Variants in FCRL5 observed in about 807,000 individuals in gnomAD.
FCRL5 encodes the protein Fc receptor-like protein 5.
In FCRL5, 79 loss-of-function variants were observed where a neutral mutation model predicts 92.1. The observed-to-expected ratio is 0.86, with a 90% CI of 0.72 to 1.03. The LOEUF is 1.03. Among genes scored for constraint, FCRL5 ranks in the 50% least tolerant of loss-of-function variants. FCRL5 has a pLI of 0.00. For missense variants in FCRL5, 1,160 were observed against 1,181.1 expected (o/e 0.98, Z 0.26); for synonymous variants, 466 against 469.3 (o/e 0.99, Z 0.09).
In FCRL5 at chr1:157,547,124, G is replaced by A; in HGVS notation, c.126C>T (p.Leu42=). Residue 42 remains leucine (L), a synonymous_variant, in exon 3 of 17, where the codon CTC becomes CTT. Coordinates refer to ENST00000361835, the MANE Select transcript of FCRL5 (RefSeq NM_031281.3). ...TTVFQGERVT[L]TCKGFRFYSP... Reference sequence around the variant, plus strand: ...AGTAGAAGCGAAATCCCTTGCAAGTGAGGGTCACTCTCTCTCCTTGGAAGA... The same window carrying A: ...AGTAGAAGCGAAATCCCTTGCAAGTAAGGGTCACTCTCTCTCCTTGGAAGA... The A allele has an allele frequency of 6.2e-7, 1 of 1,614,106 alleles. No homozygotes were observed. The highest frequency in any genetic ancestry group is 8.5e-7 in the Non-Finnish European group (1 of 1,179,992).
chr1:157,546,317 G>A (rs1021977977), intron 3 of FCRL5: 5 of 437,226 alleles, frequency 1.1e-5, no homozygotes, highest in East Asian at 7.1e-5. Context: ...GTGTGATGGC[G>A]GGCTCTTGTA....
chr1:157,520,872 C>A (rs1650150742), intron 11 of FCRL5, 145 bp downstream of exon 11: 5 of 1,032,782 alleles, frequency 4.8e-6, no homozygotes, highest in Non-Finnish European at 6.9e-6. Flanking sequence ...AGAAGCACTT[C>A]AGGAAATATA....
intron 7 of FCRL5, among the ~76,000 whole-genome samples, chr1:157,536,457 G>C (rs1650974310): frequency 6.6e-6 from 1 of 152,170 alleles, no homozygotes; most frequent in Non-Finnish European, 1.5e-5. Flanking sequence ...CCCTTGTTGG[G>C]CTCCCTCCTT....
chr1:157,527,929 T>G, intron 8 of FCRL5, 34 bp from the exon 9 acceptor site: 2 of 1,511,054 alleles, frequency 1.3e-6, no homozygotes, highest in Non-Finnish European at 1.8e-6. Context: ...ACACATGTAT[T>G]TTTAAAATTA....
intron 8 of FCRL5, among the ~76,000 whole-genome samples, chr1:157,529,887 C>T (rs986590266): frequency 6.6e-6 from 1 of 152,158 alleles, no homozygotes; most frequent in Non-Finnish European, 1.5e-5. Flanking sequence ...GCAACGAGTG[C>T]ACCAAAATCT....
chr1:157,521,173 A>G lies in FCRL5; in HGVS notation c.2359T>C (p.Phe787Leu). ...TTTCCTAGGGTGACATCCTCATGAA[A>G]AAACCGGTACAGGATCAGGGGAGAG... ...RGSPLILYRF[F>L]HEDVTLGNRS... The change falls in exon 11 of 17, where the codon TTT becomes CTT. Residue 787 changes from phenylalanine (F) to leucine (L), a missense_variant. Coordinates refer to ENST00000361835, the MANE Select transcript of FCRL5 (RefSeq NM_031281.3). The G allele has an allele frequency of 6.2e-7, 1 of 1,614,156 alleles. No individual in the cohort carries two copies. The highest frequency in any genetic ancestry group is 2.2e-5 in the East Asian group (1 of 44,868).
intron 8 of FCRL5, chr1:157,533,219 A>G (rs1650779001): frequency 6.6e-6 from 1 of 152,032 alleles, no homozygotes; most frequent in Admixed American, 6.6e-5. Context: ...TTTCTACTAC[A>G]TTTTTGAGTT....
At position 157,515,572 on chromosome 1, in the gene FCRL5, A is replaced by G. The variant is rs750144791; in HGVS notation, c.*103T>C. On this transcript the variant is annotated 3_prime_UTR_variant, in exon 17 of 17. Coordinates refer to ENST00000361835, the MANE Select transcript of FCRL5 (RefSeq NM_031281.3). ...ACATGTGAAACAAAGGCCAGTAGAT[A>G]TGGTCTGGGGCAGCCTAAATCTTCC... 1.7e-5 allele frequency: 28 copies of G among 1,611,646 alleles called. No individual in the cohort carries two copies. The highest frequency in any genetic ancestry group is 2.2e-5 in the Non-Finnish European group (26 of 1,179,278).
chr1:157,529,754 G>T (rs912945484), intron 8 of FCRL5, among the ~76,000 whole-genome samples: 3 of 152,208 alleles, frequency 2.0e-5, no homozygotes, highest in Admixed American at 2.0e-4. Context: ...TTATCAGTGG[G>T]AGCTAAGCTA....
At chr1:157,529,602 T>C (rs933366044) in intron 8 of FCRL5, among the ~76,000 whole-genome samples, 20 of 152,066 alleles carry the variant, frequency 1.3e-4, no homozygotes, top group African/African-American at 3.9e-4. Flanking sequence ...CGCATGTGTG[T>C]GTGTGTGTGT....
In FCRL5 at chr1:157,515,529, G is replaced by T; in HGVS notation, c.*146C>A. The T allele has an allele frequency of 6.4e-7, 1 of 1,553,894 alleles. No individual in the cohort carries two copies. The highest frequency in any genetic ancestry group is 8.8e-7 in the Non-Finnish European group (1 of 1,134,354). ...CAGTCCAGCAGGGCCCTGCATTCTG[G>T]TCAGACTGAGAATGAGGACATGTGA... On this transcript the variant is annotated 3_prime_UTR_variant, in exon 17 of 17. Coordinates refer to ENST00000361835, the MANE Select transcript of FCRL5 (RefSeq NM_031281.3).
At chr1:157,537,246 A>G (rs1297741350) in intron 7 of FCRL5, among the ~76,000 whole-genome samples, 2 of 152,200 alleles carry the variant, frequency 1.3e-5, no homozygotes, top group Non-Finnish European at 2.9e-5. Flanking sequence ...TCTTTTTCTC[A>G]GCAAGGAACA....
chr1:157,523,306 A>G (rs1650280885), intron 10 of FCRL5, among the ~76,000 whole-genome samples: 1 of 152,184 alleles, frequency 6.6e-6, no homozygotes, highest in African/African-American at 2.4e-5. Flanking sequence ...TTACTTTTGC[A>G]TATCTCCTTC....
chr1:157,545,307 T>G (rs1002340428), intron 3 of FCRL5, among the ~76,000 whole-genome samples: 2 of 152,198 alleles, frequency 1.3e-5, no homozygotes, highest in Non-Finnish European at 2.9e-5. Flanking sequence ...ACCCATGTTT[T>G]GGCATATGTT....
chr1:157,534,940 T>C (rs1650898223), intron 7 of FCRL5, 48 bp from the exon 8 acceptor site: 1 of 1,503,982 alleles, frequency 6.6e-7, no homozygotes, highest in Non-Finnish European at 8.9e-7. Context: ...CCTCTTACTG[T>C]AGATTTCAAC....
At chr1:157,515,950 C>A in intron 15 of FCRL5, 77 bp from the exon 16 acceptor site, 1 of 1,542,496 alleles carries the variant, frequency 6.5e-7, no homozygotes, top group Non-Finnish European at 8.9e-7. Flanking sequence ...GTGGGGCCAG[C>A]CCTGAGCCTC....
At chr1:157,524,008 A>G (rs1326963122) in intron 10 of FCRL5, 2 of 463,106 alleles carry the variant, frequency 4.3e-6, no homozygotes, top group Non-Finnish European at 7.6e-6. Context: ...ATTTCAGTTC[A>G]GAATATAGTT....
intron 9 of FCRL5, among the ~76,000 whole-genome samples, chr1:157,526,852 T>C (rs1650451161): frequency 6.6e-6 from 1 of 152,110 alleles, no homozygotes; most frequent in Non-Finnish European, 1.5e-5. Context: ...TGTCAGATAA[T>C]AAGGGCTTAA....
At chr1:157,550,232 A>G (rs1343671540) in intron 1 of FCRL5, among the ~76,000 whole-genome samples, 1 of 152,142 alleles carries the variant, frequency 6.6e-6, no homozygotes, top group Non-Finnish European at 1.5e-5. Flanking sequence ...TTTATTATAA[A>G]AGTGATAAGG....
Sources: gnomAD v4.1 joint callset for allele counts (sites outside exome capture counted in the v4.1 genomes callset) on GRCh38, gnomAD v4.1.1 for gene constraint, MANE v1.5 for transcripts, NCBI Gene and HGNC (gene_info 2026-07-23, HGNC 2026-07-21) for gene names.